The following SNTG2 variants were observed in gnomAD, a reference collection of about 807,000 sequenced individuals.
The protein encoded by SNTG2 is gamma-2-syntrophin.
In SNTG2, 74 loss-of-function variants were observed where a neutral mutation model predicts 70.9. The observed-to-expected ratio is 1.04, with a 90% confidence interval of 0.86 to 1.27. The LOEUF (loss-of-function observed/expected upper bound fraction) is 1.27, where lower values mean the gene tolerates loss of function less well. Ranked by LOEUF, SNTG2 falls within the 50% of genes most tolerant of loss-of-function variation. The pLI is 0.00. For missense variants in SNTG2, 717 were observed against 690.7 expected (o/e 1.04, Z -0.43); for synonymous variants, 278 against 273.8 (o/e 1.02, Z -0.15).
At chr2:1,245,305 C>T (rs1329438009) in intron 11 of SNTG2, among the ~76,000 whole-genome samples, 1 of 152,078 alleles carries the variant, frequency 6.6e-6, no homozygotes, top group East Asian at 1.9e-4. Context: ...ATAAGTCCTC[C>T]TCAAGAGCTT....
At chr2:953,677 C>T (rs7570571) in intron 1 of SNTG2, among the ~76,000 whole-genome samples, 3,649 of 152,308 alleles carry the variant, frequency 0.024, 131 homozygotes, top group African/African-American at 0.083. Flanking sequence ...CATTACAAAG[C>T]AGGCAGTTAC....
intron 1 of SNTG2, among the ~76,000 whole-genome samples, chr2:964,864 G>A (rs901047657): frequency 6.6e-6 from 1 of 152,140 alleles, no homozygotes; most frequent in Non-Finnish European, 1.5e-5. Context: ...CTCTTGGGTG[G>A]GGTTTCTCCA....
chr2:1,355,533 T>C (rs1660802042), intron 16 of SNTG2, among the ~76,000 whole-genome samples: 1 of 152,234 alleles, frequency 6.6e-6, no homozygotes, highest in South Asian at 2.1e-4. Context: ...GTATCCTTTT[T>C]TAAGGCTGAA....
intron 16 of SNTG2, among the ~76,000 whole-genome samples, chr2:1,331,431 A>G (rs1011667671): frequency 3.3e-5 from 5 of 152,372 alleles, no homozygotes; most frequent in African/African-American, 1.2e-4. Context: ...CTTTGTCTTA[A>G]TAACTTTACA....
At chr2:1,247,464 C>T in intron 12 of SNTG2, 21 bp downstream of exon 12, 1 of 1,534,172 alleles carries the variant, frequency 6.5e-7, no homozygotes, top group Non-Finnish European at 9.0e-7. Flanking sequence ...TTTTGACACT[C>T]CACAGGGAGG....
At chr2:1,135,826 G>A (rs1434061107) in intron 4 of SNTG2, among the ~76,000 whole-genome samples, 1 of 152,164 alleles carries the variant, frequency 6.6e-6, no homozygotes, top group Non-Finnish European at 1.5e-5. Context: ...AAAAATCAAT[G>A]CGTCTAAATG....
At chr2:1,188,865 A>G (rs550109728) in intron 8 of SNTG2, among the ~76,000 whole-genome samples, 1 of 152,182 alleles carries the variant, frequency 6.6e-6, no homozygotes, top group Admixed American at 6.5e-5. Flanking sequence ...AAATCTTAAT[A>G]AATATATTTT....
chr2:1,215,204 TA>T (rs1261422550), intron 9 of SNTG2, among the ~76,000 whole-genome samples: 4 of 152,204 alleles, frequency 2.6e-5, no homozygotes, highest in Non-Finnish European at 4.4e-5. Flanking sequence ...TTGTTTCTTG[TA>T]AGGTTCTCAT....
intron 16 of SNTG2, among the ~76,000 whole-genome samples, chr2:1,330,072 G>A (rs1659437859): frequency 6.6e-6 from 1 of 152,178 alleles, no homozygotes; most frequent in Non-Finnish European, 1.5e-5. Flanking sequence ...AGGAGGCCAG[G>A]AAGCTCTATC....
chr2:1,275,891 G>C (rs1048138385), intron 14 of SNTG2, among the ~76,000 whole-genome samples: 1 of 152,184 alleles, frequency 6.6e-6, no homozygotes, highest in Admixed American at 6.5e-5. Context: ...TAATAAGAAA[G>C]CAAAACAGCC....
At chr2:1,027,876 A>C (rs1024048092) in intron 1 of SNTG2, among the ~76,000 whole-genome samples, 1 of 150,800 alleles carries the variant, frequency 6.6e-6, no homozygotes, top group Admixed American at 6.6e-5. Context: ...CAAGTAACTC[A>C]TGCATCTCTG....
intron 8 of SNTG2, among the ~76,000 whole-genome samples, chr2:1,195,155 C>A (rs1031291119): frequency 3.9e-5 from 6 of 152,106 alleles, no homozygotes; most frequent in African/African-American, 1.4e-4. Flanking sequence ...GGTTCCAAGT[C>A]TTTGCTATTG....
rs1553362222 is a variant in SNTG2 at position 1,222,089 on chromosome 2, C to G, written c.719+12859C>G. Among the ~76,000 whole-genome samples, 12 of 16,026 alleles carry G rather than the reference C, an allele frequency of 7.5e-4. 1 individual carries two copies. Among genetic ancestry groups the G allele is most frequent in the Admixed American group, 2.2e-3 (3 of 1,350 alleles). 10.5% of individuals were successfully genotyped at this position (16,026 alleles called of 152,430 possible). A position where few individuals can be genotyped will look rare whatever the true frequency, so the allele number is the denominator to read the frequency against. On this transcript the variant is annotated intron_variant, in intron 9 of 16. Coordinates refer to ENST00000308624, the MANE Select transcript of SNTG2 (RefSeq NM_018968.4). The stretch of plus-strand genomic sequence containing the variant: ...TTTCTCTCTGTCTCTGTCTCTGTCT[C>G]TCTCTGTCTCTCTCTGTCTCTCTCT...
At chr2:1,278,793 C>T (rs1449377080) in intron 14 of SNTG2, among the ~76,000 whole-genome samples, 3 of 152,142 alleles carry the variant, frequency 2.0e-5, no homozygotes, top group African/African-American at 7.2e-5. Context: ...TTCAGTTACC[C>T]GTGGTCAAAC....
chr2:1,295,404 C>T (rs1210000137), intron 14 of SNTG2, among the ~76,000 whole-genome samples: 7 of 152,090 alleles, frequency 4.6e-5, no homozygotes, highest in Non-Finnish European at 7.4e-5. Context: ...ACAAAGTATC[C>T]GCTTCAGTAA....
At chr2:1,291,938 G>A (rs1050071460) in intron 14 of SNTG2, among the ~76,000 whole-genome samples, 22 of 152,118 alleles carry the variant, frequency 1.4e-4, no homozygotes, top group Admixed American at 7.2e-4. Context: ...ATGGACATCC[G>A]AACATCATTA....
chr2:1,106,197 T>G (rs71440614), intron 4 of SNTG2, among the ~76,000 whole-genome samples: 12,156 of 35,316 alleles, frequency 0.34, 3,183 homozygotes, highest in East Asian at 0.44. Context: ...TCACTCGGGT[T>G]CAGGGTATGG....
chr2:1,118,454 T>C (rs956517792), intron 4 of SNTG2, among the ~76,000 whole-genome samples: 2 of 152,052 alleles, frequency 1.3e-5, no homozygotes, highest in Non-Finnish European at 2.9e-5. Context: ...GCACAGAGAC[T>C]ATACCCCTGC....
At chr2:1,220,216 T>C (rs950309614) in intron 9 of SNTG2, among the ~76,000 whole-genome samples, 2 of 152,186 alleles carry the variant, frequency 1.3e-5, no homozygotes, top group East Asian at 3.9e-4. Flanking sequence ...GGGCTTGTTA[T>C]GGAATGTGGG....
Sources: gnomAD v4.1 joint callset for allele counts (sites outside exome capture counted in the v4.1 genomes callset) on GRCh38, gnomAD v4.1.1 for gene constraint, MANE v1.5 for transcripts, NCBI Gene and HGNC (gene_info 2026-07-23, HGNC 2026-07-21) for gene names.